PSME4: variants seen among roughly 807,000 people sequenced by gnomAD.
PSME4 encodes the protein proteasome activator complex subunit 4.
PSME4 carries 89 observed loss-of-function variants against 253.9 expected under a neutral mutation model. The observed-to-expected ratio is 0.35, with a 90% confidence interval of 0.30 to 0.42. The LOEUF (loss-of-function observed/expected upper bound fraction) is 0.42. PSME4 is among the 10% of genes least tolerant of loss of function. The pLI is 1.00. For missense variants in PSME4, 2,014 were observed against 2,195.2 expected (o/e 0.92, Z 1.65); for synonymous variants, 851 against 759.2 (o/e 1.12, Z -1.99).
In PSME4 at chr2:53,905,596, G is replaced by A. The variant is rs1680619581; in HGVS notation, c.2943+1002C>T. 1.3e-5 allele frequency among the ~76,000 whole-genome samples: 2 copies of A among 152,120 alleles called. 1 individual carries two copies. Among genetic ancestry groups the A allele is most frequent in the South Asian group, 4.1e-4 (2 of 4,826 alleles). ...GCATGCCTGTAATCCCAGCTATTTG[G>A]GAGGCTGAGATAAGACGATCGCTTG... is the stretch of plus-strand genomic sequence containing the variant. On this transcript the variant is annotated intron_variant, in intron 26 of 46. Coordinates refer to ENST00000404125, the MANE Select transcript of PSME4 (RefSeq NM_014614.3).
intron 1 of PSME4, among the ~76,000 whole-genome samples, chr2:53,953,937 CAA>C (rs1354494396): frequency 6.6e-6 from 1 of 152,104 alleles, no homozygotes; most frequent in African/African-American, 2.4e-5. Context: ...AGGGGAAGAA[CAA>C]AAAAGAGTAA....
intron 43 of PSME4, among the ~76,000 whole-genome samples, chr2:53,872,329 T>C (rs765533538): frequency 3.1e-4 from 47 of 152,202 alleles, no homozygotes; most frequent in Non-Finnish European, 6.0e-4. Flanking sequence ...AGTTCTCATT[T>C]AGATAACATT....
Position 53,901,435 on chromosome 2 carries a change from A to G in PSME4, c.3200T>C (p.Leu1067Pro). 1 of 1,614,158 alleles carries G rather than the reference A, an allele frequency of 6.2e-7. No individual in the cohort carries two copies. Among genetic ancestry groups the G allele is most frequent in the Non-Finnish European group, 8.5e-7 (1 of 1,179,990 alleles). Residue 1067 changes from leucine to proline, a missense_variant, in exon 28 of 47, where the codon CTG becomes CCG. Physicochemically the swap from Leu to Pro is moderately conservative, Grantham distance 98. Around this residue, in one of 4 missense-constraint regions of PSME4, gnomAD observed 989 missense variants for 1,021.1 expected, o/e 0.97. Transcript: ENST00000404125. The stretch of plus-strand genomic sequence containing the variant: ...CAATCTCACTATTGATGGCTTTTCC[A>G]GGGACATTGCTTGGCTAAGCCCTGA... ...VSSGLSQAMSLEKPSIVRLFD... is the reference protein window; with the variant it reads ...VSSGLSQAMSPEKPSIVRLFD...
chr2:53,894,882 G>T, intron 34 of PSME4, 125 bp downstream of exon 34: 1 of 777,456 alleles, frequency 1.3e-6, no homozygotes. Flanking sequence ...TATTTATGCA[G>T]TGCTATACAG....
intron 1 of PSME4, among the ~76,000 whole-genome samples, chr2:53,969,725 G>A (rs760324665): frequency 3.1e-4 from 44 of 141,276 alleles, no homozygotes; most frequent in Non-Finnish European, 5.3e-4. Context: ...TGACACTATA[G>A]TTTGAAGCTA....
In PSME4 at chr2:53,898,962, A is replaced by T. The variant is rs571378614; in HGVS notation, c.3423-608T>A. Among the ~76,000 whole-genome samples the T allele has an allele frequency of 1.6e-3, 245 of 152,298 alleles. 2 individuals are homozygous for T. The highest frequency in any genetic ancestry group is 5.7e-3 in the African/African-American group (236 of 41,560). ...CTAAACTTGAATTTAGGAATTAATGACTGATGTGTACCAGTTATGTAGTTT... is the reference window on the plus strand; with the variant it reads ...CTAAACTTGAATTTAGGAATTAATGTCTGATGTGTACCAGTTATGTAGTTT... On this transcript the variant is annotated intron_variant, in intron 29 of 46. Coordinates refer to ENST00000404125, the MANE Select transcript of PSME4 (RefSeq NM_014614.3).
intron 3 of PSME4, among the ~76,000 whole-genome samples, chr2:53,943,580 C>A (rs1211592260): frequency 6.6e-6 from 1 of 152,152 alleles, no homozygotes; most frequent in African/African-American, 2.4e-5. Flanking sequence ...GTGGCTCATG[C>A]CTGTAATCCC....
At chr2:53,906,158 C>T (rs1680650088) in intron 26 of PSME4, among the ~76,000 whole-genome samples, 1 of 152,194 alleles carries the variant, frequency 6.6e-6, no homozygotes, top group Non-Finnish European at 1.5e-5. Context: ...ACAGACCTCA[C>T]AATTCATGTG....
At chr2:53,908,675 C>T (rs1248848568) in intron 22 of PSME4, 109 bp downstream of exon 22, 57 of 1,443,902 alleles carry the variant, frequency 3.9e-5, no homozygotes, top group Non-Finnish European at 5.2e-5. Context: ...GCCCAATATT[C>T]TCACCATTTA....
At chr2:53,925,011 C>T (rs992653632) in intron 14 of PSME4, among the ~76,000 whole-genome samples, 5 of 152,216 alleles carry the variant, frequency 3.3e-5, no homozygotes, top group African/African-American at 7.2e-5. Flanking sequence ...TCAACAGCAA[C>T]ATAACTCATG....
intron 1 of PSME4, among the ~76,000 whole-genome samples, chr2:53,960,368 CAGCCTGGGCAACAG>C (rs1418318025): frequency 6.2e-4 from 91 of 147,264 alleles, no homozygotes; most frequent in Middle Eastern, 3.5e-3. Flanking sequence ...CGCTGTACTC[CAGCCTGGGCAACAG>C]AGCGAGACTC....
intron 8 of PSME4, 79 bp from the exon 9 acceptor site, chr2:53,932,839 G>A (rs936242289): frequency 2.6e-5 from 28 of 1,064,144 alleles, no homozygotes; most frequent in South Asian, 2.2e-4. Context: ...AAGCCTATAC[G>A]TAAATCACTA....
intron 12 of PSME4, 88 bp from the exon 13 acceptor site, chr2:53,926,111 G>A: frequency 1.0e-6 from 1 of 989,270 alleles, no homozygotes; most frequent in Non-Finnish European, 1.6e-6. Flanking sequence ...CCTGCCAAAT[G>A]TATCCACACT....
chr2:53,898,213 A>T, intron 30 of PSME4, 88 bp downstream of exon 30: 1 of 1,308,860 alleles, frequency 7.6e-7, no homozygotes, highest in Non-Finnish European at 1.1e-6. Flanking sequence ...ACTTTTTGTG[A>T]CATAGTCATT....
chr2:53,965,047 C>T (rs1401205305), intron 1 of PSME4, among the ~76,000 whole-genome samples: 1 of 152,000 alleles, frequency 6.6e-6, no homozygotes, highest in East Asian at 1.9e-4. Context: ...TCATCTTACA[C>T]CAAACCCACA....
chr2:53,892,800 T>C lies in PSME4; in HGVS notation c.4191+8A>G, dbSNP rs772974192. On this transcript the variant is annotated splice_region_variant and intron_variant, in intron 36 of 46. Coordinates refer to ENST00000404125, the MANE Select transcript of PSME4 (RefSeq NM_014614.3). ...AGGAAATGTTCTGTACAAATATTAA[T>C]ACATCACCTTTTCAAATGTCCAGTG... The C allele has an allele frequency of 3.7e-6, 6 of 1,608,778 alleles. No homozygotes were observed. In the Middle Eastern group the frequency reaches 5.0e-4, roughly 133 times the overall value.
At chr2:53,875,577 G>A in intron 42 of PSME4, 50 bp downstream of exon 42, 2 of 1,543,036 alleles carry the variant, frequency 1.3e-6, no homozygotes, top group Non-Finnish European at 1.7e-6. Context: ...TTCTTAGAAT[G>A]GTAAACCAAA....
chr2:53,899,030 T>G (rs1680269554), intron 29 of PSME4, among the ~76,000 whole-genome samples: 1 of 150,418 alleles, frequency 6.6e-6, no homozygotes, highest in South Asian at 2.1e-4. Context: ...AGAAAGATAA[T>G]TCACTAGAAA....
At chr2:53,884,738 T>C (rs1005545137) in intron 41 of PSME4, among the ~76,000 whole-genome samples, 2 of 152,172 alleles carry the variant, frequency 1.3e-5, no homozygotes, top group Admixed American at 1.3e-4. Flanking sequence ...AGACAAAGCC[T>C]ACATACACCA....
Sources: allele counts gnomAD v4.1 joint callset (sites outside exome capture counted in the v4.1 genomes callset), GRCh38; gene constraint gnomAD v4.1.1; regional missense constraint gnomAD v4.1.1; transcripts MANE v1.5; gene names NCBI Gene and HGNC (gene_info 2026-07-23, HGNC 2026-07-21).